The following ERBB4 variants were observed in gnomAD, a reference collection of about 807,000 sequenced individuals.
The protein encoded by ERBB4 is receptor tyrosine-protein kinase erbB-4.
A neutral mutation model predicts 158.0 loss-of-function variants in ERBB4; 42 were observed. That is an observed-to-expected ratio of 0.27 (90% CI 0.21 to 0.34). ERBB4 has a LOEUF of 0.34. ERBB4 is among the 10% of genes least tolerant of loss of function. The pLI, the probability that ERBB4 is intolerant of heterozygous loss-of-function variation, is 1.00. For synonymous variants in ERBB4, 583 were observed against 558.7 expected, an observed-to-expected ratio of 1.04 and a Z score of -0.61; for missense variants, 1,333 against 1,624.1, an observed-to-expected ratio of 0.82 and a Z score of 3.08.
At chr2:212,124,172 G>C (rs944578111) in intron 2 of ERBB4, among the ~76,000 whole-genome samples, 2 of 152,138 alleles carry the variant, frequency 1.3e-5, no homozygotes, top group Admixed American at 6.6e-5. Context: ...CAAAAGGACT[G>C]ATTGTCTGAG....
intron 15 of ERBB4, among the ~76,000 whole-genome samples, chr2:211,660,541 G>T (rs972975862): frequency 2.6e-5 from 4 of 152,114 alleles, no homozygotes; most frequent in Admixed American, 2.0e-4. Flanking sequence ...TGTGTTAGGG[G>T]ATGAGGAGTT....
At chr2:211,815,278 T>G (rs934659511) in intron 3 of ERBB4, among the ~76,000 whole-genome samples, 1 of 152,186 alleles carries the variant, frequency 6.6e-6, no homozygotes, top group Non-Finnish European at 1.5e-5. Context: ...TATAAAAACA[T>G]AAAGTGTTAT....
rs550991763 is a variant in ERBB4 at position 212,358,637 on chromosome 2, T to C, written c.82+179812A>G. Reference sequence around the variant, plus strand: ...AATTTTGGTGTATATATTTACCCTGTTTAAATTATGAATCAATGATTTAAG... The same window carrying C: ...AATTTTGGTGTATATATTTACCCTGCTTAAATTATGAATCAATGATTTAAG... On this transcript the variant is annotated intron_variant, in intron 1 of 27. Transcript: ENST00000342788. Among the ~76,000 whole-genome samples, 10 of 151,916 alleles carry C rather than the reference T, an allele frequency of 6.6e-5. No individual in the cohort carries two copies. The South Asian group carries it at 1.7e-3, about 25-fold the overall frequency.
chr2:211,381,379 A>G lies in ERBB4; in HGVS notation c.*2236T>C, dbSNP rs576362547. ...TCCTAGACCAGTTTATGTTTGAATA[A>G]TATTATTGAAATTATCCTGTTTGTC... On this transcript the variant is annotated 3_prime_UTR_variant, in exon 28 of 28. Transcript: ENST00000342788. 4.3e-6 allele frequency: 1 copy of G among 232,228 alleles called. No homozygotes were observed. Among genetic ancestry groups the G allele is most frequent in the East Asian group, 6.1e-5 (1 of 16,414 alleles). 14.4% of individuals were successfully genotyped at this position (232,228 alleles called of 1,614,324 possible).
chr2:212,476,732 A>C (rs1283092656), intron 1 of ERBB4, among the ~76,000 whole-genome samples: 1 of 152,112 alleles, frequency 6.6e-6, no homozygotes, highest in African/African-American at 2.4e-5. Context: ...ACACAAATTA[A>C]AAAGTTTTAT....
chr2:212,506,453 A>C (rs2106261290), intron 1 of ERBB4, among the ~76,000 whole-genome samples: 1 of 152,320 alleles, frequency 6.6e-6, no homozygotes, highest in South Asian at 2.1e-4. Context: ...TGTGTGTCAA[A>C]CAGCCAAATT....
intron 3 of ERBB4, among the ~76,000 whole-genome samples, chr2:211,858,498 C>T (rs2077929302): frequency 6.6e-6 from 1 of 152,166 alleles, no homozygotes; most frequent in Admixed American, 6.5e-5. Flanking sequence ...CCATTTTGTA[C>T]TAGCTTACCA....
intron 20 of ERBB4, among the ~76,000 whole-genome samples, chr2:211,447,614 T>G (rs1295861114): frequency 6.6e-6 from 1 of 152,186 alleles, no homozygotes; most frequent in Non-Finnish European, 1.5e-5. Flanking sequence ...TTTCTACTAT[T>G]TGGAAACACA....
At chr2:211,498,357 C>T (rs2065527295) in intron 20 of ERBB4, among the ~76,000 whole-genome samples, 1 of 152,076 alleles carries the variant, frequency 6.6e-6, no homozygotes, top group Non-Finnish European at 1.5e-5. Context: ...GTTTATTTCT[C>T]TGTCATTAAA....
At chr2:211,438,151 T>A (rs951010809) in intron 20 of ERBB4, among the ~76,000 whole-genome samples, 1 of 152,222 alleles carries the variant, frequency 6.6e-6, no homozygotes, top group Non-Finnish European at 1.5e-5. Context: ...CCACAGGTAC[T>A]CATTTCACCT....
chr2:212,359,026 CTCT>C (rs1286913523), intron 1 of ERBB4, among the ~76,000 whole-genome samples: 10 of 151,712 alleles, frequency 6.6e-5, no homozygotes, highest in Admixed American at 5.3e-4. Flanking sequence ...ATTATGAGAA[CTCT>C]TCTTCTAGAA....
chr2:212,530,212 A>G (rs183498933), intron 1 of ERBB4, among the ~76,000 whole-genome samples: 1 of 152,274 alleles, frequency 6.6e-6, no homozygotes, highest in East Asian at 1.9e-4. Flanking sequence ...GGACCAGATG[A>G]TGCTTATAAA....
intron 1 of ERBB4, among the ~76,000 whole-genome samples, chr2:212,273,334 G>A (rs2085410963): frequency 6.6e-6 from 1 of 151,668 alleles, no homozygotes; most frequent in South Asian, 2.1e-4. Flanking sequence ...TAAATAGCAA[G>A]TCAATAATAT....
chr2:211,859,138 C>G (rs1301181539), intron 3 of ERBB4, among the ~76,000 whole-genome samples: 1 of 152,100 alleles, frequency 6.6e-6, no homozygotes, highest in Non-Finnish European at 1.5e-5. Flanking sequence ...TGCAGCCTTC[C>G]CAGACATATT....
chr2:212,345,570 C>A (rs1000068615), intron 1 of ERBB4, among the ~76,000 whole-genome samples: 1 of 152,050 alleles, frequency 6.6e-6, no homozygotes, highest in South Asian at 2.1e-4. Context: ...TCACTTCTCT[C>A]GGACAATAAG....
chr2:212,413,330 G>A (rs1169502471), intron 1 of ERBB4, among the ~76,000 whole-genome samples: 1 of 151,310 alleles, frequency 6.6e-6, no homozygotes, highest in Non-Finnish European at 1.5e-5. Flanking sequence ...CAAAGTCCTT[G>A]TACTTCTACT....
At position 212,020,192 on chromosome 2, in the gene ERBB4, G is replaced by C. The variant is rs565393220; in HGVS notation, c.235-72576C>G. On this transcript the variant is annotated intron_variant, in intron 2 of 27. Coordinates refer to ENST00000342788, the MANE Select transcript of ERBB4 (RefSeq NM_005235.3). ...TCTTTTATTAAAGCAAAGGAGTTCT[G>C]ATTTACTAGGAGTAAGATTTCTTCA... Among the ~76,000 whole-genome samples, 20 of 152,034 alleles carry C rather than the reference G, an allele frequency of 1.3e-4. No individual in the cohort carries two copies. The South Asian group carries it at 4.2e-3, about 32-fold the overall frequency.
At chr2:211,516,948 C>T (rs1260967293) in intron 20 of ERBB4, among the ~76,000 whole-genome samples, 1 of 152,112 alleles carries the variant, frequency 6.6e-6, no homozygotes, top group African/African-American at 2.4e-5. Flanking sequence ...AATTCTTTCC[C>T]ACCATCAGGT....
intron 2 of ERBB4, among the ~76,000 whole-genome samples, chr2:212,037,714 A>G (rs1273406538): frequency 6.6e-6 from 1 of 152,216 alleles, no homozygotes; most frequent in African/African-American, 2.4e-5. Context: ...TGTGGAAATT[A>G]CAAACTTTTT....
Sources: gnomAD v4.1 joint callset for allele counts (sites outside exome capture counted in the v4.1 genomes callset) on GRCh38, gnomAD v4.1.1 for gene constraint, MANE v1.5 for transcripts, NCBI Gene and HGNC (gene_info 2026-07-23, HGNC 2026-07-21) for gene names.